Variants in GPC5 observed in about 807,000 individuals in gnomAD.
GPC5 encodes the protein glypican-5.
Under a neutral mutation model 53.9 loss-of-function variants are expected in GPC5, and 47 were observed. That is an observed-to-expected ratio of 0.87 (90% CI 0.69 to 1.11). The LOEUF is 1.11. Ranked by LOEUF, GPC5 falls within the 50% of genes most tolerant of loss-of-function variation. The pLI, the probability that GPC5 is intolerant of heterozygous loss-of-function variation, is 0.00. For missense variants in GPC5, 748 were observed against 713.1 expected, an observed-to-expected ratio of 1.05 and a Z score of -0.56; for synonymous variants, 286 against 263.3, an observed-to-expected ratio of 1.09 and a Z score of -0.84.
At chr13:91,919,516 C>A (rs2039690738) in intron 6 of GPC5, among the ~76,000 whole-genome samples, 1 of 152,246 alleles carries the variant, frequency 6.6e-6, no homozygotes, top group East Asian at 1.9e-4. Flanking sequence ...AAAATATAGT[C>A]TTTTGGGCTT....
intron 7 of GPC5, among the ~76,000 whole-genome samples, chr13:92,628,692 G>A (rs1434294552): frequency 2.0e-5 from 3 of 152,070 alleles, no homozygotes; most frequent in Non-Finnish European, 2.9e-5. Flanking sequence ...CTTTAGATGG[G>A]AAGCTGAAAC....
At chr13:92,482,819 C>T (rs527688534) in intron 7 of GPC5, among the ~76,000 whole-genome samples, 1 of 152,104 alleles carries the variant, frequency 6.6e-6, no homozygotes. Flanking sequence ...GAATGAGTAA[C>T]TATAGTTATG....
chr13:91,659,234 A>G (rs932928107), intron 2 of GPC5, among the ~76,000 whole-genome samples: 9 of 152,248 alleles, frequency 5.9e-5, no homozygotes, highest in African/African-American at 2.2e-4. Context: ...TAGAAAAACC[A>G]GAAAATAACA....
At chr13:92,831,406 T>A (rs1179735749) in intron 7 of GPC5, among the ~76,000 whole-genome samples, 1 of 152,162 alleles carries the variant, frequency 6.6e-6, no homozygotes, top group African/African-American at 2.4e-5. Context: ...TAATACTTTA[T>A]TACAACATTA....
At chr13:92,339,162 G>A (rs1304906798) in intron 7 of GPC5, among the ~76,000 whole-genome samples, 3 of 151,008 alleles carry the variant, frequency 2.0e-5, no homozygotes, top group Non-Finnish European at 4.4e-5. Context: ...TCATACATAT[G>A]TATCATATGT....
chr13:91,416,454 T>TTTATTATTATTATTATTATTATTA (rs368453925), intron 1 of GPC5, among the ~76,000 whole-genome samples: 2,112 of 151,040 alleles, frequency 0.014, 24 homozygotes, highest in Non-Finnish European at 0.021. Context: ...ATCCATTTCT[T>TTTATTATTATTATTATTATTATTA]TTATTATTAT....
At chr13:91,927,094 C>A (rs7332162) in intron 6 of GPC5, among the ~76,000 whole-genome samples, 69,781 of 151,934 alleles carry the variant, frequency 0.46, 17,086 homozygotes, top group East Asian at 0.73. Flanking sequence ...GAAGTGATTT[C>A]TCAGTCAGTT....
chr13:91,494,819 C>T lies in GPC5; in HGVS notation c.325+45897C>T, dbSNP rs571115751. ...GCCTTAGAATCTTTTTCTGATTTCTCCTTATCTCCTTCAGTGCCAACTCTA... is the reference window on the plus strand; with the variant it reads ...GCCTTAGAATCTTTTTCTGATTTCTTCTTATCTCCTTCAGTGCCAACTCTA... On this transcript the variant is annotated intron_variant, in intron 2 of 7. Transcript: ENST00000377067. Among the ~76,000 whole-genome samples the T allele has an allele frequency of 2.6e-5, 4 of 152,236 alleles. No individual in the cohort carries two copies. In the East Asian group the frequency reaches 5.8e-4, roughly 22 times the overall value.
intron 7 of GPC5, among the ~76,000 whole-genome samples, chr13:92,723,082 G>A (rs1888547870): frequency 2.6e-5 from 4 of 151,596 alleles, no homozygotes; most frequent in Non-Finnish European, 5.9e-5. Flanking sequence ...ATATAGCCTT[G>A]AGGATATCTG....
chr13:92,636,195 A>G (rs574926535), intron 7 of GPC5, among the ~76,000 whole-genome samples: 1 of 152,334 alleles, frequency 6.6e-6, no homozygotes, highest in Non-Finnish European at 1.5e-5. Flanking sequence ...TTAATGAGTC[A>G]ACTAAGCATT....
intron 7 of GPC5, among the ~76,000 whole-genome samples, chr13:92,157,039 A>G (rs1008592691): frequency 6.6e-6 from 1 of 152,162 alleles, no homozygotes; most frequent in Non-Finnish European, 1.5e-5. Flanking sequence ...TCTGTGCATG[A>G]GTATGTATTC....
At chr13:92,272,123 T>A (rs2042843899) in intron 7 of GPC5, among the ~76,000 whole-genome samples, 1 of 152,194 alleles carries the variant, frequency 6.6e-6, no homozygotes, top group East Asian at 1.9e-4. Context: ...GTTAGTAAGT[T>A]TCCTAACATG....
At chr13:92,203,473 TC>T (rs1183417578) in intron 7 of GPC5, among the ~76,000 whole-genome samples, 5 of 107,244 alleles carry the variant, frequency 4.7e-5, no homozygotes, top group African/African-American at 1.9e-4. Flanking sequence ...AATATCACAC[TC>T]TGGGGACTGT....
At chr13:91,572,344 T>C (rs2031958560) in intron 2 of GPC5, among the ~76,000 whole-genome samples, 1 of 151,914 alleles carries the variant, frequency 6.6e-6, no homozygotes, top group South Asian at 2.1e-4. Flanking sequence ...TAAAGGACAG[T>C]CTGTATCTGT....
At chr13:92,478,135 T>C (rs1879221417) in intron 7 of GPC5, among the ~76,000 whole-genome samples, 1 of 152,198 alleles carries the variant, frequency 6.6e-6, no homozygotes, top group African/African-American at 2.4e-5. Flanking sequence ...ATTTGTTCAG[T>C]ATTTTGATTT....
intron 7 of GPC5, among the ~76,000 whole-genome samples, chr13:92,535,525 G>A (rs554403793): frequency 1.2e-4 from 18 of 152,142 alleles, no homozygotes; most frequent in Admixed American, 2.6e-4. Context: ...TGAGGGTTCT[G>A]GCATCTCATT....
chr13:92,113,222 G>T (rs1171187440), intron 6 of GPC5, among the ~76,000 whole-genome samples: 1 of 151,936 alleles, frequency 6.6e-6, no homozygotes, highest in Non-Finnish European at 1.5e-5. Context: ...ATATTTAATT[G>T]TCAATGTATG....
intron 2 of GPC5, among the ~76,000 whole-genome samples, chr13:91,497,680 G>A (rs931243263): frequency 2.0e-5 from 3 of 152,162 alleles, no homozygotes; most frequent in Non-Finnish European, 2.9e-5. Context: ...TGGGAATGTT[G>A]CCCTCTAAGG....
chr13:91,925,861 G>A (rs1425760310), intron 6 of GPC5, among the ~76,000 whole-genome samples: 5 of 152,280 alleles, frequency 3.3e-5, no homozygotes, highest in African/African-American at 1.2e-4. Context: ...AAGACATTCC[G>A]ATTTGAGATG....
Sources: gnomAD v4.1 joint callset for allele counts (sites outside exome capture counted in the v4.1 genomes callset) on GRCh38, gnomAD v4.1.1 for gene constraint, MANE v1.5 for transcripts, NCBI Gene and HGNC (gene_info 2026-07-23, HGNC 2026-07-21) for gene names.